NT5DC1: variants seen among roughly 807,000 people sequenced by gnomAD.
NT5DC1 encodes the protein 5'-nucleotidase domain-containing protein 1.
A neutral mutation model predicts 59.4 loss-of-function variants in NT5DC1; 42 were observed. That is an observed-to-expected ratio of 0.71 (90% confidence interval 0.55 to 0.92). The LOEUF is 0.92. Ranked by LOEUF, NT5DC1 falls within the 40% of genes least tolerant of loss-of-function variation. The probability of loss-of-function intolerance (pLI) is 0.00; values close to 1 mark genes in which losing one functional copy is unlikely to be tolerated. For synonymous variants in NT5DC1, 172 were observed against 188.1 expected, an observed-to-expected ratio of 0.91 and a Z score of 0.70; for missense variants, 501 against 537.1, an observed-to-expected ratio of 0.93 and a Z score of 0.66.
intron 6 of NT5DC1, chr6:116,125,331 C>A: frequency 1.2e-6 from 2 of 1,612,936 alleles, no homozygotes; most frequent in South Asian, 1.1e-5. Context: ...ATATACAATT[C>A]AATTTACCTT....
At chr6:116,103,071 T>G (rs565722007) in intron 1 of NT5DC1, among the ~76,000 whole-genome samples, 1 of 152,332 alleles carries the variant, frequency 6.6e-6, no homozygotes, top group South Asian at 2.1e-4. Context: ...TGCATGATAT[T>G]AACACTTCCT....
Position 116,245,366 on chromosome 6 carries a change from A to T in NT5DC1, c.*1342A>T, listed in dbSNP as rs1025077309. The T allele has an allele frequency of 1.3e-5, 2 of 152,614 alleles. No homozygotes were observed. Among genetic ancestry groups the T allele is most frequent in the African/African-American group, 4.8e-5 (2 of 41,456 alleles). 9.5% of individuals were successfully genotyped at this position (152,614 alleles called of 1,614,324 possible). Reference sequence around the variant, plus strand: ...TTGAAGTGCAGAATTTGGCATATCGATGCATGCAATGGAAAGAAAAAAAAT... The same window carrying T: ...TTGAAGTGCAGAATTTGGCATATCGTTGCATGCAATGGAAAGAAAAAAAAT... On this transcript the variant is annotated 3_prime_UTR_variant, in exon 12 of 12. Transcript: ENST00000319550.
At chr6:116,221,300 A>G (rs1781799607) in intron 7 of NT5DC1, 72 bp downstream of exon 7, 1 of 893,956 alleles carries the variant, frequency 1.1e-6, no homozygotes, top group East Asian at 2.4e-5. Context: ...GGCTTTTTTA[A>G]AAGTGTCAGC....
chr6:116,204,736 T>C (rs1325748331), intron 6 of NT5DC1, among the ~76,000 whole-genome samples: 1 of 151,956 alleles, frequency 6.6e-6, no homozygotes. Flanking sequence ...GATTGCAATG[T>C]TGTGGTTAAA....
chr6:116,163,152 A>ATATATATATATATATATATG (rs1415207322), intron 6 of NT5DC1, among the ~76,000 whole-genome samples: 3 of 125,818 alleles, frequency 2.4e-5, no homozygotes, highest in Admixed American at 7.5e-5. Context: ...ATATATATAT[A>ATATATATATATATATATATG]TATATATATA....
At chr6:116,141,382 G>C (rs1488412200) in intron 6 of NT5DC1, among the ~76,000 whole-genome samples, 1 of 151,794 alleles carries the variant, frequency 6.6e-6, no homozygotes, top group Non-Finnish European at 1.5e-5. Context: ...TCTCTCTAGG[G>C]CATCTTATGT....
intron 6 of NT5DC1, among the ~76,000 whole-genome samples, chr6:116,190,488 TG>T (rs1781093735): frequency 6.6e-6 from 1 of 151,966 alleles, no homozygotes. Context: ...TTAGCGGCAG[TG>T]GTATCTGGAG....
intron 6 of NT5DC1, among the ~76,000 whole-genome samples, chr6:116,132,730 C>G (rs1779501216): frequency 1.3e-5 from 2 of 152,260 alleles, no homozygotes; most frequent in Non-Finnish European, 2.9e-5. Context: ...TGTGTTCACC[C>G]CCTGTTCTGG....
chr6:116,139,496 G>A (rs1779709564), intron 6 of NT5DC1, among the ~76,000 whole-genome samples: 1 of 151,946 alleles, frequency 6.6e-6, no homozygotes, highest in Non-Finnish European at 1.5e-5. Context: ...AATACACATT[G>A]TATACTACAG....
At chr6:116,130,685 A>G (rs991878526) in intron 6 of NT5DC1, among the ~76,000 whole-genome samples, 1 of 152,012 alleles carries the variant, frequency 6.6e-6, no homozygotes, top group Admixed American at 6.6e-5. Context: ...ATATGATAAC[A>G]TTTTACTGAT....
At chr6:116,179,759 C>T (rs1780833549) in intron 6 of NT5DC1, among the ~76,000 whole-genome samples, 1 of 152,086 alleles carries the variant, frequency 6.6e-6, no homozygotes, top group Non-Finnish European at 1.5e-5. Flanking sequence ...ATACACCTAT[C>T]TTTGATGTCC....
chr6:116,108,082 T>A (rs1267335986), intron 2 of NT5DC1, among the ~76,000 whole-genome samples: 3 of 152,216 alleles, frequency 2.0e-5, no homozygotes, highest in African/African-American at 7.2e-5. Flanking sequence ...GGTTCTTTTT[T>A]TCTCTTTTGA....
At chr6:116,226,216 A>C (rs548260262) in intron 8 of NT5DC1, among the ~76,000 whole-genome samples, 2 of 152,318 alleles carry the variant, frequency 1.3e-5, no homozygotes, top group South Asian at 4.1e-4. Context: ...TTACAAACTT[A>C]CATTTAAATA....
intron 10 of NT5DC1, 64 bp downstream of exon 10, chr6:116,238,412 T>C: frequency 8.7e-7 from 1 of 1,154,850 alleles, no homozygotes; most frequent in Non-Finnish European, 1.2e-6. Flanking sequence ...CTAAAGTATC[T>C]TTATACTACT....
intron 2 of NT5DC1, among the ~76,000 whole-genome samples, chr6:116,106,794 T>A (rs1426791519): frequency 6.6e-6 from 1 of 152,202 alleles, no homozygotes; most frequent in Non-Finnish European, 1.5e-5. Context: ...TTACTGGGAA[T>A]TCCCTTCCTG....
At chr6:116,225,805 C>T (rs1323545504) in intron 8 of NT5DC1, among the ~76,000 whole-genome samples, 2 of 152,224 alleles carry the variant, frequency 1.3e-5, no homozygotes, top group East Asian at 1.9e-4. Context: ...TTTTTAAGAT[C>T]GAAGATACTG....
chr6:116,118,651 A>G (rs1029301750), intron 6 of NT5DC1, among the ~76,000 whole-genome samples: 1 of 152,214 alleles, frequency 6.6e-6, no homozygotes, highest in African/African-American at 2.4e-5. Flanking sequence ...ATAACCAAAA[A>G]CATGTCAAGA....
chr6:116,146,436 A>T (rs1562137975), intron 6 of NT5DC1, among the ~76,000 whole-genome samples: 1 of 152,176 alleles, frequency 6.6e-6, no homozygotes, highest in Non-Finnish European at 1.5e-5. Flanking sequence ...TAAGTAAATA[A>T]CTGGAGTTGC....
At chr6:116,216,075 C>G (rs9654610) in intron 6 of NT5DC1, among the ~76,000 whole-genome samples, 15,328 of 152,038 alleles carry the variant, frequency 0.1, 1,292 homozygotes, top group African/African-American at 0.23. Context: ...CAATACTTAA[C>G]TAAATCTAGA....
Sources: allele counts gnomAD v4.1 joint callset (sites outside exome capture counted in the v4.1 genomes callset), GRCh38; gene constraint gnomAD v4.1.1; transcripts MANE v1.5; gene names NCBI Gene and HGNC (gene_info 2026-07-23, HGNC 2026-07-21).